NDUFAF7: variants seen among roughly 807,000 people sequenced by gnomAD.
The protein encoded by NDUFAF7 is protein arginine methyltransferase NDUFAF7, mitochondrial.
In NDUFAF7, 48 loss-of-function variants were observed where a neutral mutation model predicts 47.2. The observed-to-expected ratio is 1.02, with a 90% CI of 0.81 to 1.29. The LOEUF is 1.29. Among genes scored for constraint, NDUFAF7 ranks in the 50% most tolerant of loss-of-function variants. The probability of loss-of-function intolerance (pLI) is 0.00; values close to 1 mark genes in which losing one functional copy is unlikely to be tolerated. For synonymous variants in NDUFAF7, 217 were observed against 190.0 expected (o/e 1.14, Z -1.17); for missense variants, 635 against 537.6 (o/e 1.18, Z -1.79).
chr2:37,253,243 A>T (rs1184562181), downstream of NDUFAF7: 19 of 1,612,618 alleles, frequency 1.2e-5, no homozygotes, highest in Non-Finnish European at 1.6e-5. Context: ...ATACAAGGTT[A>T]TGTGTGTATG....
At chr2:37,244,588 T>C (rs886802428) in intron 7 of NDUFAF7, among the ~76,000 whole-genome samples, 1 of 152,176 alleles carries the variant, frequency 6.6e-6, no homozygotes, top group African/African-American at 2.4e-5. Flanking sequence ...ATCCCTGTAC[T>C]TCTCAGGAAC....
the NDUFAF7 span, among the ~76,000 whole-genome samples, chr2:37,266,405 A>C: frequency 1.8e-4 from 28 of 152,010 alleles, no homozygotes; most frequent in African/African-American, 6.0e-4. Flanking sequence ...AGCTCACTGC[A>C]ACCTCTGCCT....
At chr2:37,254,080 C>A, downstream of NDUFAF7, 1 of 698,746 alleles carries the variant, frequency 1.4e-6, no homozygotes. Flanking sequence ...AGCCATAGTA[C>A]AAATTAATCA....
rs749885411 is a variant in NDUFAF7, at chr2:37,248,382, G to T, written c.*32G>T. 3 of 1,579,432 alleles carry T rather than the reference G, an allele frequency of 1.9e-6. No individual in the cohort carries two copies. In the Admixed American group the frequency reaches 5.0e-5, roughly 26 times the overall value. Reference sequence around the variant, plus strand: ...AGCTTGGACATTTTACCCTTCAGTCGGCCCAAGAAATCAAAATAAAGGAAA... The same window carrying T: ...AGCTTGGACATTTTACCCTTCAGTCTGCCCAAGAAATCAAAATAAAGGAAA... On this transcript the variant is annotated 3_prime_UTR_variant, in exon 10 of 10. Transcript: ENST00000002125.
chr2:37,264,436 C>T, the NDUFAF7 span, among the ~76,000 whole-genome samples: 1 of 141,604 alleles, frequency 7.1e-6, no homozygotes, highest in African/African-American at 2.7e-5. Context: ...GTGAGACAGA[C>T]AATGGGAAAT....
chr2:37,267,625 C>T, the NDUFAF7 span: 7 of 966,394 alleles, frequency 7.2e-6, no homozygotes, highest in Non-Finnish European at 1.1e-5. Flanking sequence ...TATGTATTTA[C>T]TCTTGAATTT....
chr2:37,253,065 T>C (rs1304821241), downstream of NDUFAF7: 4 of 1,131,684 alleles, frequency 3.5e-6, no homozygotes, highest in East Asian at 2.4e-5. Flanking sequence ...TTCGTTATCA[T>C]ATTTCTTCAT....
the NDUFAF7 span, among the ~76,000 whole-genome samples, chr2:37,261,854 C>T: frequency 6.6e-6 from 1 of 152,104 alleles, no homozygotes; most frequent in Non-Finnish European, 1.5e-5. Flanking sequence ...TAGAATGGTA[C>T]AAAAGTGGTA....
downstream of NDUFAF7, chr2:37,250,722 A>G (rs1464027950): frequency 1.3e-5 from 2 of 152,300 alleles, no homozygotes; most frequent in African/African-American, 4.8e-5. Flanking sequence ...GTGATAGGAA[A>G]TACATTTTAT....
the NDUFAF7 span, among the ~76,000 whole-genome samples, chr2:37,270,725 G>C: frequency 6.6e-6 from 1 of 152,144 alleles, no homozygotes; most frequent in Non-Finnish European, 1.5e-5. Flanking sequence ...TTTAAGGTTT[G>C]TAAGAACCAT....
Position 37,241,671 on chromosome 2 carries a change from A to G in NDUFAF7, c.502A>G (p.Thr168Ala), listed in dbSNP as rs1335293814. ...SQKLSEIQAL[T>A]LTKEKVPLER... The stretch of plus-strand genomic sequence containing the variant: ...AAAATTAAGTGAGATTCAAGCATTG[A>G]CACTGACTAAAGAGAAGGTCCCGTT... Residue 168 changes from threonine to alanine, a missense_variant, in exon 5 of 10, where the codon ACA becomes GCA. Thr to Ala is a moderately conservative substitution (Grantham distance 58, BLOSUM62 0). Transcript: ENST00000002125. The G allele has an allele frequency of 6.2e-7, 1 of 1,613,948 alleles. No individual in the cohort carries two copies. Among genetic ancestry groups the G allele is most frequent in the South Asian group, 1.1e-5 (1 of 91,066 alleles).
the NDUFAF7 span, chr2:37,267,966 T>A: frequency 1.1e-5 from 2 of 189,602 alleles, no homozygotes; most frequent in Non-Finnish European, 2.2e-5. Flanking sequence ...TTCTAGAATC[T>A]AGATATAAAA....
chr2:37,250,741 TTCC>T (rs1667420188), downstream of NDUFAF7: 1 of 152,302 alleles, frequency 6.6e-6, no homozygotes, highest in Admixed American at 6.5e-5. Context: ...ATTATCAAGC[TTCC>T]AGTATATTTA....
downstream of NDUFAF7, chr2:37,252,219 T>G (rs1667557293): frequency 6.6e-6 from 1 of 152,182 alleles, no homozygotes. Flanking sequence ...ATACAGTAAC[T>G]GTAGCATTAA....
At chr2:37,234,502 C>T (rs1252655043) in intron 2 of NDUFAF7, among the ~76,000 whole-genome samples, 1 of 152,124 alleles carries the variant, frequency 6.6e-6, no homozygotes. Context: ...TTTAAAAACA[C>T]TCTGTGAAGG....
At chr2:37,234,592 A>T (rs1665552490) in intron 2 of NDUFAF7, among the ~76,000 whole-genome samples, 1 of 152,226 alleles carries the variant, frequency 6.6e-6, no homozygotes, top group African/African-American at 2.4e-5. Context: ...TTCCTTATGA[A>T]CGGAACTAGA....
intron 7 of NDUFAF7, among the ~76,000 whole-genome samples, chr2:37,245,361 A>C (rs1666797083): frequency 6.6e-6 from 1 of 152,244 alleles, no homozygotes; most frequent in South Asian, 2.1e-4. Context: ...CAGATCAGGA[A>C]GTAGTGAAAT....
chr2:37,252,483 A>T (rs560199656), downstream of NDUFAF7: 9 of 152,316 alleles, frequency 5.9e-5, no homozygotes, highest in Non-Finnish European at 1.3e-4. Context: ...AGCTGTTGCA[A>T]CACACAGAAG....
intron 6 of NDUFAF7, among the ~76,000 whole-genome samples, chr2:37,242,898 A>T (rs1475319171): frequency 6.6e-6 from 1 of 152,230 alleles, no homozygotes. Context: ...AATTATTAAG[A>T]ATTCTTAATT....
Sources: gnomAD v4.1 joint callset for allele counts (sites outside exome capture counted in the v4.1 genomes callset) on GRCh38, gnomAD v4.1.1 for gene constraint, MANE v1.5 for transcripts, NCBI Gene and HGNC (gene_info 2026-07-23, HGNC 2026-07-21) for gene names.